DDX60L: variants seen among roughly 807,000 people sequenced by gnomAD.
The protein encoded by DDX60L is probable ATP-dependent RNA helicase DDX60-like.
In DDX60L, 191 loss-of-function variants were observed where a neutral mutation model predicts 211.6. The observed-to-expected ratio is 0.90, with a 90% CI of 0.80 to 1.02. The LOEUF (loss-of-function observed/expected upper bound fraction) is 1.02. DDX60L is among the 50% of genes least tolerant of loss of function. The pLI is 0.00. For synonymous variants in DDX60L, 706 were observed against 694.1 expected (o/e 1.02, Z -0.27); for missense variants, 2,007 against 1,984.1 (o/e 1.01, Z -0.22).
At chr4:168,459,316 T>TATAAATAAATAA (rs58602584) in intron 5 of DDX60L, among the ~76,000 whole-genome samples, 1 of 151,754 alleles carries the variant, frequency 6.6e-6, no homozygotes, top group African/African-American at 2.4e-5. Context: ...CGAGACCCTA[T>TATAAATAAATAA]ATAAATAAAT....
chr4:168,472,402 AAC>A, intron 3 of DDX60L, 51 bp downstream of exon 3: 1 of 1,334,198 alleles, frequency 7.5e-7, no homozygotes, highest in South Asian at 1.3e-5. Context: ...GGGATGTGGA[AAC>A]ACAGAGCATA....
chr4:168,428,713 GAA>G (rs1751858623), intron 13 of DDX60L, among the ~76,000 whole-genome samples: 1 of 152,188 alleles, frequency 6.6e-6, no homozygotes. Flanking sequence ...GGCTAAGAGA[GAA>G]GTACTGAAGC....
chr4:168,387,384 C>T (rs1043463792), intron 29 of DDX60L, among the ~76,000 whole-genome samples: 3 of 152,178 alleles, frequency 2.0e-5, no homozygotes, highest in Non-Finnish European at 4.4e-5. Flanking sequence ...CTATTTCAAC[C>T]AATCAGAAAG....
At chr4:168,397,892 C>A (rs1300346122) in intron 26 of DDX60L, among the ~76,000 whole-genome samples, 2 of 152,174 alleles carry the variant, frequency 1.3e-5, no homozygotes, top group African/African-American at 4.8e-5. Context: ...CTGTAGCCAC[C>A]CAAGCTGCAG....
chr4:168,371,399 G>C (rs974845276), intron 36 of DDX60L, among the ~76,000 whole-genome samples: 1 of 145,840 alleles, frequency 6.9e-6, no homozygotes, highest in African/African-American at 2.5e-5. Flanking sequence ...TCTACGAAGT[G>C]ATCTAGTATG....
In DDX60L at chr4:168,427,107, G is replaced by A. The variant is rs1751583401; in HGVS notation, c.1893C>T (p.Ala631=). Residue 631 remains alanine, a synonymous_variant, in exon 14 of 38, where the codon GCC becomes GCT. Transcript: ENST00000682922. ...AATGTTTTTTCCATGCTTTAAAGCA[G>A]GCAATTAATCCTAACATTTCAACTC... The part of the protein sequence containing the change: ...KFGVEMLGLI[A]CFKAWKKHCR... 1.9e-6 allele frequency: 3 copies of A among 1,606,350 alleles called. No homozygotes were observed. Among genetic ancestry groups the A allele is most frequent in the Admixed American group, 1.7e-5 (1 of 58,942 alleles).
At chr4:168,454,005 A>G (rs182251594) in intron 7 of DDX60L, among the ~76,000 whole-genome samples, 43 of 152,318 alleles carry the variant, frequency 2.8e-4, no homozygotes, top group African/African-American at 1.0e-3. Flanking sequence ...CATGTGAGAA[A>G]GAAGCAAATT....
At chr4:168,466,836 G>T (rs539773726) in intron 4 of DDX60L, among the ~76,000 whole-genome samples, 1 of 152,116 alleles carries the variant, frequency 6.6e-6, no homozygotes, top group Non-Finnish European at 1.5e-5. Context: ...GTGCTTTGTT[G>T]CCTGCTACAC....
chr4:168,467,464 AAAG>A (rs754558201), intron 4 of DDX60L, among the ~76,000 whole-genome samples: 78 of 151,500 alleles, frequency 5.1e-4, no homozygotes, highest in Non-Finnish European at 9.7e-4. Context: ...AAAAAAAATG[AAAG>A]AAGGAGCTAA....
At chr4:168,440,001 G>A (rs529857299) in intron 10 of DDX60L, among the ~76,000 whole-genome samples, 1 of 152,202 alleles carries the variant, frequency 6.6e-6, no homozygotes, top group Non-Finnish European at 1.5e-5. Flanking sequence ...AAAAGTCCAA[G>A]AAAATGCAAA....
chr4:168,446,414 A>T (rs1432343294), intron 9 of DDX60L, among the ~76,000 whole-genome samples: 1 of 152,232 alleles, frequency 6.6e-6, no homozygotes, highest in Non-Finnish European at 1.5e-5. Context: ...TTCCATGCTC[A>T]TGGGTAGGAA....
At chr4:168,420,858 C>T (rs879152607) in intron 17 of DDX60L, among the ~76,000 whole-genome samples, 1 of 152,110 alleles carries the variant, frequency 6.6e-6, no homozygotes, top group Non-Finnish European at 1.5e-5. Context: ...CTTATTTAAG[C>T]CCCTGCAACT....
intron 13 of DDX60L, among the ~76,000 whole-genome samples, chr4:168,429,499 T>C (rs568240499): frequency 6.6e-6 from 1 of 152,336 alleles, no homozygotes; most frequent in Non-Finnish European, 1.5e-5. Context: ...TCCAAGCTTG[T>C]AATTCTTTGA....
chr4:168,423,523 G>T, intron 15 of DDX60L, 85 bp downstream of exon 15: 1 of 957,258 alleles, frequency 1.0e-6, no homozygotes, highest in Non-Finnish European at 1.5e-6. Flanking sequence ...CTCTATATGT[G>T]AGATACTTCA....
intron 8 of DDX60L, 31 bp downstream of exon 8, chr4:168,453,093 T>C (rs762145699): frequency 3.8e-6 from 6 of 1,586,552 alleles, no homozygotes; most frequent in Non-Finnish European, 5.1e-6. Flanking sequence ...ATCTCTCATG[T>C]TCAGACAAAA....
At chr4:168,394,879 G>A (rs1468017334) in intron 27 of DDX60L, among the ~76,000 whole-genome samples, 3 of 152,206 alleles carry the variant, frequency 2.0e-5, no homozygotes, top group Non-Finnish European at 4.4e-5. Context: ...CAGGACAGAT[G>A]AGTAAACAAT....
In DDX60L at chr4:168,427,202, T is replaced by C. The variant is rs1751596276; in HGVS notation, c.1798A>G (p.Asn600Asp). ...LFSIEEEMKN[N>D]LHSGIRKLED... ...AATTTCCTTATTCCAGAATGTAAAT[T>C]GTTCTTCATCTCCTCTTCAATAGAA... is the stretch of plus-strand genomic sequence containing the variant. The change falls in exon 14 of 38, where the codon AAT becomes GAT. Residue 600 changes from asparagine to aspartate, a missense_variant. Physicochemically the swap from Asn to Asp is conservative, Grantham distance 23. Coordinates refer to ENST00000682922, the MANE Select transcript of DDX60L (RefSeq NM_001012967.3). 6.2e-7 allele frequency: 1 copy of C among 1,613,492 alleles called. No individual in the cohort carries two copies. The highest frequency in any genetic ancestry group is 8.5e-7 in the Non-Finnish European group (1 of 1,179,618).
chr4:168,419,180 T>C (rs1176301987), intron 19 of DDX60L, 122 bp downstream of exon 19: 3 of 601,168 alleles, frequency 5.0e-6, no homozygotes, highest in Non-Finnish European at 8.2e-6. Flanking sequence ...TGTTTTCCAT[T>C]GGTACCCTGG....
intron 10 of DDX60L, among the ~76,000 whole-genome samples, chr4:168,439,855 C>A (rs1436604579): frequency 5.9e-5 from 9 of 152,098 alleles, no homozygotes; most frequent in Admixed American, 3.9e-4. Context: ...GAAGAAATAA[C>A]CCCTCTCTCA....
Sources: allele counts gnomAD v4.1 joint callset (sites outside exome capture counted in the v4.1 genomes callset), GRCh38; gene constraint gnomAD v4.1.1; transcripts MANE v1.5; gene names NCBI Gene and HGNC (gene_info 2026-07-23, HGNC 2026-07-21).